The following PRAMEF11 variants were observed in gnomAD, a reference collection of about 807,000 sequenced individuals.
PRAMEF11 encodes PRAME family member 11.
PRAMEF11 carries 17 observed loss-of-function variants against 33.6 expected under a neutral mutation model. The observed-to-expected ratio is 0.51, with a 90% CI of 0.35 to 0.76. The LOEUF (loss-of-function observed/expected upper bound fraction) is 0.76. Ranked by LOEUF, PRAMEF11 falls within the 30% of genes least tolerant of loss-of-function variation. The probability of loss-of-function intolerance (pLI) is 0.01; values close to 1 mark genes in which losing one functional copy is unlikely to be tolerated. For synonymous variants in PRAMEF11, 205 were observed against 227.3 expected (o/e 0.90, Z 0.88); for missense variants, 568 against 567.0 (o/e 1.00, Z -0.02).
In PRAMEF11 at chr1:12,828,432, T is replaced by A. The variant is rs547941113; in HGVS notation, c.293+65A>T. ...CCCCCTTGGGCCTCCTCACTTCACA[T>A]GACCCAGCTGTTCCTTCAGTTGGAC... On this transcript the variant is annotated intron_variant, in intron 2 of 3. Coordinates refer to ENST00000619922, the MANE Select transcript of PRAMEF11 (RefSeq NM_001146344.3). 3.3e-4 allele frequency: 500 copies of A among 1,526,754 alleles called. 22 individuals are homozygous for A. Among genetic ancestry groups the A allele is most frequent in the Non-Finnish European group, 4.2e-4 (473 of 1,121,976 alleles). The allele number at this position is 1,526,754 out of a possible 1,614,324, so 94.6% of individuals were successfully genotyped here.
rs766673377 is a variant in PRAMEF11, at chr1:12,828,691, C to T, written c.99G>A (p.Leu33=). Reference sequence around the variant, plus strand: ...ACAGTGGGGGGAAAAGTTCCGTGGGCAGCTCCTCCAGGGTGGAGACGGCCA... The same window carrying T: ...ACAGTGGGGGGAAAAGTTCCGTGGGTAGCTCCTCCAGGGTGGAGACGGCCA... The part of the protein sequence containing the change: ...QALAVSTLEE[L]PTELFPPLFM... Residue 33 remains leucine, a synonymous_variant, in exon 2 of 4, where the codon CTG becomes CTA. Coordinates refer to ENST00000619922, the MANE Select transcript of PRAMEF11 (RefSeq NM_001146344.3). 4.3e-6 allele frequency: 7 copies of T among 1,610,376 alleles called. No homozygotes were observed. The highest frequency in any genetic ancestry group is 1.7e-5 in the Admixed American group (1 of 59,750).
Sources: gnomAD v4.1 joint callset for allele counts on GRCh38, gnomAD v4.1.1 for gene constraint, MANE v1.5 for transcripts, NCBI Gene and HGNC (gene_info 2026-07-23, HGNC 2026-07-21) for gene names.